The following CCDC178 variants were observed in gnomAD, a reference collection of about 807,000 sequenced individuals.
CCDC178 encodes the protein coiled-coil domain-containing protein 178.
In CCDC178, 126 loss-of-function variants were observed where a neutral mutation model predicts 117.4. The ratio of observed to expected loss-of-function variants is 1.07; its 90% CI spans 0.93 to 1.24. CCDC178 has a LOEUF of 1.24. CCDC178 is among the 50% of genes most tolerant of loss of function. The pLI, the probability that CCDC178 is intolerant of heterozygous loss-of-function variation, is 0.00. For missense variants in CCDC178, 1,030 were observed against 986.9 expected, an observed-to-expected ratio of 1.04 and a Z score of -0.59; for synonymous variants, 283 against 313.4, an observed-to-expected ratio of 0.90 and a Z score of 1.02.
chr18:33,044,520 CA>C (rs533712186), intron 21 of CCDC178, among the ~76,000 whole-genome samples: 3 of 150,210 alleles, frequency 2.0e-5, no homozygotes, highest in African/African-American at 7.4e-5. Context: ...AACAAACAAA[CA>C]AAAAAAACAG....
intron 21 of CCDC178, among the ~76,000 whole-genome samples, chr18:33,070,947 G>A (rs1198937691): frequency 6.6e-6 from 1 of 151,770 alleles, no homozygotes; most frequent in Non-Finnish European, 1.5e-5. Flanking sequence ...GATACAACAG[G>A]GGTTATTACC....
chr18:33,024,257 A>G (rs1333047522), intron 21 of CCDC178, among the ~76,000 whole-genome samples: 1 of 152,234 alleles, frequency 6.6e-6, no homozygotes, highest in Non-Finnish European at 1.5e-5. Context: ...TAGCTTAAAC[A>G]ACAGAAACTA....
At chr18:33,009,333 C>T (rs1056679708) in intron 21 of CCDC178, among the ~76,000 whole-genome samples, 2 of 152,098 alleles carry the variant, frequency 1.3e-5, no homozygotes, top group East Asian at 1.9e-4. Flanking sequence ...GGTTTTCCAG[C>T]TCACTCTAAG....
chr18:33,201,615 T>C (rs549747522), intron 20 of CCDC178, among the ~76,000 whole-genome samples: 22 of 152,148 alleles, frequency 1.4e-4, no homozygotes, highest in Admixed American at 3.9e-4. Context: ...ATGTCTTTGA[T>C]GTGGGATGTG....
intron 21 of CCDC178, among the ~76,000 whole-genome samples, chr18:33,014,212 T>C (rs2055932497): frequency 6.6e-6 from 1 of 152,212 alleles, no homozygotes; most frequent in Non-Finnish European, 1.5e-5. Flanking sequence ...GAGTGTGGTG[T>C]TCTTGTCACT....
At chr18:33,187,302 G>A (rs2058808354) in intron 20 of CCDC178, among the ~76,000 whole-genome samples, 1 of 151,970 alleles carries the variant, frequency 6.6e-6, no homozygotes, top group Non-Finnish European at 1.5e-5. Flanking sequence ...CAAACCACAT[G>A]ATATGGCCCA....
Position 33,336,970 on chromosome 18 carries a change from T to C in CCDC178, c.659-3576A>G, listed in dbSNP as rs549513205. 3.3e-5 allele frequency among the ~76,000 whole-genome samples: 5 copies of C among 152,202 alleles called. No homozygotes were observed. The South Asian group carries it at 1.0e-3, about 32-fold the overall frequency. On this transcript the variant is annotated intron_variant, in intron 9 of 22. Transcript: ENST00000383096. ...GCATTTTGATAGGAATTGCATTGAA[T>C]TTGTATGTTGCTTTTGGCCATATGG...
intron 21 of CCDC178, among the ~76,000 whole-genome samples, chr18:33,004,183 T>C (rs1244843105): frequency 6.6e-6 from 1 of 152,204 alleles, no homozygotes; most frequent in East Asian, 1.9e-4. Context: ...TCCTAAACTT[T>C]ATGTGGAAAC....
At chr18:33,404,332 A>G (rs981573331) in intron 3 of CCDC178, among the ~76,000 whole-genome samples, 3 of 152,090 alleles carry the variant, frequency 2.0e-5, no homozygotes, top group Admixed American at 2.0e-4. Context: ...ATTATGTACC[A>G]GTTTTCTATA....
intron 20 of CCDC178, among the ~76,000 whole-genome samples, chr18:33,107,846 G>A (rs960816129): frequency 6.6e-6 from 1 of 151,698 alleles, no homozygotes; most frequent in African/African-American, 2.4e-5. Context: ...ACTATCATAA[G>A]GGTTTCTTTG....
At chr18:33,108,256 A>T (rs2057734539) in intron 20 of CCDC178, among the ~76,000 whole-genome samples, 1 of 151,684 alleles carries the variant, frequency 6.6e-6, no homozygotes. Flanking sequence ...TTTACTGTGT[A>T]AAGTGGCATA....
intron 21 of CCDC178, among the ~76,000 whole-genome samples, chr18:33,003,817 C>T (rs2055693960): frequency 6.6e-6 from 1 of 152,038 alleles, no homozygotes; most frequent in African/African-American, 2.4e-5. Context: ...AACTGATGAA[C>T]AAACTCAGCA....
At chr18:33,333,547 C>T (rs568150609) in intron 9 of CCDC178, among the ~76,000 whole-genome samples, 153 bp from the exon 10 acceptor site, 1 of 119,950 alleles carries the variant, frequency 8.3e-6, no homozygotes, top group South Asian at 2.6e-4. Flanking sequence ...TGGAGTTTCG[C>T]TCTTGTTGCC....
chr18:33,051,641 C>T (rs1567957325), intron 21 of CCDC178, among the ~76,000 whole-genome samples: 1 of 152,140 alleles, frequency 6.6e-6, no homozygotes, highest in Non-Finnish European at 1.5e-5. Flanking sequence ...GCTCAGTGCC[C>T]AAAGCGGTGA....
At chr18:33,098,307 T>C (rs1238162215) in intron 20 of CCDC178, among the ~76,000 whole-genome samples, 1 of 152,062 alleles carries the variant, frequency 6.6e-6, no homozygotes, top group African/African-American at 2.4e-5. Context: ...CAATGTGTCA[T>C]ATATACCCTT....
chr18:33,146,208 G>T (rs148720947), intron 20 of CCDC178, among the ~76,000 whole-genome samples: 3 of 152,332 alleles, frequency 2.0e-5, no homozygotes, highest in African/African-American at 4.8e-5. Context: ...ACTTACAAGG[G>T]TGTGTTGGTT....
chr18:33,307,656 C>T (rs556584338), intron 11 of CCDC178, among the ~76,000 whole-genome samples: 1 of 152,190 alleles, frequency 6.6e-6, no homozygotes, highest in Non-Finnish European at 1.5e-5. Flanking sequence ...CAGCCCATCT[C>T]ATTACAGGTC....
intron 11 of CCDC178, among the ~76,000 whole-genome samples, chr18:33,299,750 C>T (rs371560705): frequency 7.4e-6 from 1 of 135,336 alleles, no homozygotes; most frequent in Non-Finnish European, 1.6e-5. Context: ...CCAGAATATA[C>T]AAGGATTTCA....
chr18:33,415,636 T>C (rs1196820419), intron 2 of CCDC178, among the ~76,000 whole-genome samples: 1 of 152,222 alleles, frequency 6.6e-6, no homozygotes, highest in Non-Finnish European at 1.5e-5. Context: ...ACATGGCACA[T>C]GTATACATAT....
Sources: allele counts gnomAD v4.1 joint callset (sites outside exome capture counted in the v4.1 genomes callset), GRCh38; gene constraint gnomAD v4.1.1; transcripts MANE v1.5; gene names NCBI Gene and HGNC (gene_info 2026-07-23, HGNC 2026-07-21).